MACO1: variants seen among roughly 807,000 people sequenced by gnomAD.
MACO1 encodes the protein macoilin.
In MACO1, 14 loss-of-function variants were observed where a neutral mutation model predicts 78.7. The ratio of observed to expected loss-of-function variants is 0.18; its 90% CI spans 0.12 to 0.28. The LOEUF (loss-of-function observed/expected upper bound fraction) is 0.28, where lower values mean the gene tolerates loss of function less well. Ranked by LOEUF, MACO1 falls within the 10% of genes least tolerant of loss-of-function variation. MACO1 has a pLI of 1.00. For synonymous variants in MACO1, 288 were observed against 291.6 expected, an observed-to-expected ratio of 0.99 and a Z score of 0.12; for missense variants, 501 against 799.0, an observed-to-expected ratio of 0.63 and a Z score of 4.50.
chr1:25,467,373 T>C (rs2043228835), intron 6 of MACO1, among the ~76,000 whole-genome samples: 1 of 152,218 alleles, frequency 6.6e-6, no homozygotes, highest in African/African-American at 2.4e-5. Flanking sequence ...TGTTTGTACT[T>C]GCCACAAGGT....
Position 25,459,622 on chromosome 1 carries a change from T to A in MACO1, c.1154+730T>A, listed in dbSNP as rs562386496. Among the ~76,000 whole-genome samples, 4 of 151,986 alleles carry A rather than the reference T, an allele frequency of 2.6e-5. No individual in the cohort carries two copies. The South Asian group carries it at 8.3e-4, about 32-fold the overall frequency. On this transcript the variant is annotated intron_variant, in intron 6 of 10. Transcript: ENST00000374343. ...CCCAACTAACTGGGATTATAGGTGC[T>A]TGCCGCCACGCCAGGCTAATTTTTT...
At chr1:25,484,079 C>CA in intron 6 of MACO1, 37 bp from the exon 7 acceptor site, 5 of 1,580,004 alleles carry the variant, frequency 3.2e-6, no homozygotes, top group African/African-American at 1.4e-5. Context: ...TGGGTGCCCT[C>CA]ACCTAGATGA....
intron 6 of MACO1, among the ~76,000 whole-genome samples, chr1:25,459,116 C>G (rs554296858): frequency 6.6e-6 from 1 of 152,234 alleles, no homozygotes; most frequent in Non-Finnish European, 1.5e-5. Flanking sequence ...TTACTTCCCA[C>G]ATGTGACAAA....
At chr1:25,439,106 G>A (rs1571948953) in intron 1 of MACO1, among the ~76,000 whole-genome samples, 1 of 152,038 alleles carries the variant, frequency 6.6e-6, no homozygotes, top group East Asian at 1.9e-4. Flanking sequence ...AGTATGTGTT[G>A]CTTCTTTTTA....
chr1:25,457,677 A>G (rs951711392), intron 5 of MACO1, among the ~76,000 whole-genome samples: 2 of 152,234 alleles, frequency 1.3e-5, no homozygotes, highest in African/African-American at 4.8e-5. Context: ...ATAGAAATAG[A>G]TAATTGGCAG....
At chr1:25,452,236 C>T (rs1039777457) in intron 3 of MACO1, among the ~76,000 whole-genome samples, 1 of 152,128 alleles carries the variant, frequency 6.6e-6, no homozygotes, top group African/African-American at 2.4e-5. Flanking sequence ...CCCAAAGATC[C>T]TTAGCAAAAA....
intron 2 of MACO1, among the ~76,000 whole-genome samples, chr1:25,447,419 CTG>C (rs1205459104): frequency 6.6e-6 from 1 of 152,132 alleles, no homozygotes; most frequent in Admixed American, 6.6e-5. Flanking sequence ...GAAATTAAAA[CTG>C]AGAAAAATTT....
chr1:25,480,933 T>A (rs796312776), intron 6 of MACO1, among the ~76,000 whole-genome samples: 2,133 of 31,296 alleles, frequency 0.068, 476 homozygotes, highest in East Asian at 0.26. Context: ...AAAAAAAATA[T>A]ATATATATAT....
intron 9 of MACO1, among the ~76,000 whole-genome samples, chr1:25,489,899 A>G (rs2043469281): frequency 6.6e-6 from 1 of 152,196 alleles, no homozygotes; most frequent in Non-Finnish European, 1.5e-5. Flanking sequence ...CGAAAAAAAT[A>G]CGAAAAAAAG....
chr1:25,488,411 A>G (rs1161525776), intron 8 of MACO1, among the ~76,000 whole-genome samples: 1 of 152,220 alleles, frequency 6.6e-6, no homozygotes, highest in Admixed American at 6.5e-5. Context: ...AGACTGAGCC[A>G]AAAGCTAAAA....
At chr1:25,431,381 G>A (rs1275584383) in intron 1 of MACO1, among the ~76,000 whole-genome samples, 2 of 147,072 alleles carry the variant, frequency 1.4e-5, no homozygotes, top group African/African-American at 4.9e-5. Flanking sequence ...CGGCCCGGCC[G>A]GGCGGGCAGG....
chr1:25,449,233 A>G (rs1254761240), intron 3 of MACO1, among the ~76,000 whole-genome samples: 1 of 152,140 alleles, frequency 6.6e-6, no homozygotes, highest in African/African-American at 2.4e-5. Context: ...GGTATACTTG[A>G]AGACAGCCAT....
At chr1:25,440,325 G>T (rs760775813) in intron 1 of MACO1, among the ~76,000 whole-genome samples, 21 of 150,590 alleles carry the variant, frequency 1.4e-4, no homozygotes, top group South Asian at 6.3e-4. Flanking sequence ...CTTGAGCCCA[G>T]GTTGAGGTTG....
At chr1:25,473,722 A>G (rs1222724043) in intron 6 of MACO1, among the ~76,000 whole-genome samples, 3 of 152,226 alleles carry the variant, frequency 2.0e-5, no homozygotes, top group African/African-American at 7.2e-5. Context: ...AAAAGGAACC[A>G]TATTCTTTAA....
intron 6 of MACO1, among the ~76,000 whole-genome samples, chr1:25,472,258 A>G (rs1323271921): frequency 6.6e-6 from 1 of 152,174 alleles, no homozygotes; most frequent in Non-Finnish European, 1.5e-5. Flanking sequence ...ATACATGTGC[A>G]GAATGTGCAG....
chr1:25,456,726 C>A lies in MACO1; in HGVS notation c.547C>A (p.Gln183Lys), dbSNP rs766594710. 1.4e-5 allele frequency: 22 copies of A among 1,613,778 alleles called. No individual in the cohort carries two copies. In the Admixed American group the frequency reaches 3.7e-4, roughly 27 times the overall value. ...YVSYKMRLRK[Q>K]KEVQKENEFY... The stretch of plus-strand genomic sequence containing the variant: ...AAGCTACAAAATGCGGTTAAGGAAG[C>A]AAAAAGAAGTACAAAAAGAGAACGA... The change falls in exon 5 of 11, where the codon CAA becomes AAA. Residue 183 changes from glutamine (Q) to lysine (K), a missense_variant. Gln to Lys is a moderately conservative substitution (Grantham distance 53). Coordinates refer to ENST00000374343, the MANE Select transcript of MACO1 (RefSeq NM_018202.6).
chr1:25,452,867 T>G (rs1216297528), intron 3 of MACO1, among the ~76,000 whole-genome samples: 2 of 151,846 alleles, frequency 1.3e-5, no homozygotes, highest in African/African-American at 4.8e-5. Flanking sequence ...CAGCTAATTT[T>G]TGTGTTTTTA....
intron 9 of MACO1, among the ~76,000 whole-genome samples, chr1:25,490,020 T>C (rs1401763165): frequency 6.6e-6 from 1 of 152,022 alleles, no homozygotes; most frequent in Non-Finnish European, 1.5e-5. Flanking sequence ...ATGCCACATA[T>C]AAAGAAATTC....
intron 6 of MACO1, among the ~76,000 whole-genome samples, chr1:25,475,836 TTAAGCTCATACTATG>T (rs1203159208): frequency 5.3e-5 from 8 of 152,240 alleles, no homozygotes; most frequent in Non-Finnish European, 7.3e-5. Flanking sequence ...TTTTACAAAA[TTAAGCTCATACTATG>T]TATGTTTTGT....
Sources: gnomAD v4.1 joint callset for allele counts (sites outside exome capture counted in the v4.1 genomes callset) on GRCh38, gnomAD v4.1.1 for gene constraint, MANE v1.5 for transcripts, NCBI Gene and HGNC (gene_info 2026-07-23, HGNC 2026-07-21) for gene names.